TP63: variants seen among roughly 807,000 people sequenced by gnomAD.
TP63 encodes the protein tumor protein 63.
A neutral mutation model predicts 82.8 loss-of-function variants in TP63; 17 were observed. That is an observed-to-expected ratio of 0.21 (90% CI 0.14 to 0.31). The LOEUF is 0.31. Ranked by LOEUF, TP63 falls within the 10% of genes least tolerant of loss-of-function variation. The pLI is 1.00. For missense variants in TP63, 648 were observed against 895.3 expected, an observed-to-expected ratio of 0.72 and a Z score of 3.52; for synonymous variants, 330 against 321.7, an observed-to-expected ratio of 1.03 and a Z score of -0.28.
intron 4 of TP63, among the ~76,000 whole-genome samples, chr3:189,858,625 C>T (rs1241446229): frequency 6.6e-6 from 1 of 151,790 alleles, no homozygotes; most frequent in Non-Finnish European, 1.5e-5. Context: ...AAACATACAC[C>T]AAAATTAGCT....
intron 13 of TP63, among the ~76,000 whole-genome samples, chr3:189,891,406 T>TTAA: frequency 6.6e-6 from 1 of 152,340 alleles, no homozygotes; most frequent in East Asian, 1.9e-4. Flanking sequence ...TTTAAATTAG[T>TTAA]ACCTTAAGGG....
rs568408783 is a variant in TP63, at chr3:189,634,466, C to T, written c.62+2889C>T. On this transcript the variant is annotated intron_variant, in intron 1 of 13. Transcript: ENST00000264731. ...ATCATTCTCTAAGTTAAAATTGGGA[C>T]TTCATCCTCTGTTTTTTTTCCTTTC... Among the ~76,000 whole-genome samples, 7 of 60,314 alleles carry T rather than the reference C, an allele frequency of 1.2e-4. No individual in the cohort carries two copies. In the South Asian group the frequency reaches 7.2e-3, roughly 62 times the overall value. The allele number at this position is 60,314 out of a possible 152,430, so 39.6% of individuals were successfully genotyped here.
chr3:189,881,058 AT>A (rs1719857932), intron 10 of TP63: 1 of 985,286 alleles, frequency 1.0e-6, no homozygotes, highest in Non-Finnish European at 1.2e-6. Context: ...TCAAAATAGA[AT>A]TTGAAGCCCT....
At chr3:189,866,221 A>G (rs1183520450) in intron 5 of TP63, among the ~76,000 whole-genome samples, 1 of 152,260 alleles carries the variant, frequency 6.6e-6, no homozygotes, top group Non-Finnish European at 1.5e-5. Context: ...AGGAAAGAAG[A>G]AGAAGTGGAA....
chr3:189,692,849 C>G (rs1717049123), intron 1 of TP63, among the ~76,000 whole-genome samples: 1 of 152,150 alleles, frequency 6.6e-6, no homozygotes, highest in African/African-American at 2.4e-5. Context: ...TTTCTCTCTC[C>G]TTCAGGCAGA....
upstream of TP63, among the ~76,000 whole-genome samples, chr3:189,626,770 GTGGC>G (rs150473502): frequency 0.014 from 2,207 of 152,286 alleles, 37 homozygotes; most frequent in Non-Finnish European, 0.022. Context: ...TACGCCTACA[GTGGC>G]TTTGCAAAGT....
intron 3 of TP63, among the ~76,000 whole-genome samples, chr3:189,747,280 A>G (rs1721454113): frequency 6.6e-6 from 1 of 152,092 alleles, no homozygotes; most frequent in Admixed American, 6.5e-5. Flanking sequence ...ATGTTATCCA[A>G]CAGCTACGGA....
intron 4 of TP63, among the ~76,000 whole-genome samples, chr3:189,810,981 G>A (rs1377587766): frequency 1.3e-5 from 2 of 152,016 alleles, no homozygotes; most frequent in Non-Finnish European, 2.9e-5. Flanking sequence ...CTACCAAAAT[G>A]TTAGGTTTAA....
At chr3:189,752,059 A>T (rs1246188851) in intron 3 of TP63, among the ~76,000 whole-genome samples, 3 of 152,062 alleles carry the variant, frequency 2.0e-5, no homozygotes, top group Non-Finnish European at 4.4e-5. Context: ...GAATCCTGAG[A>T]TTATCTATTT....
chr3:189,760,419 T>G (rs1248997307), intron 3 of TP63, among the ~76,000 whole-genome samples: 2 of 152,240 alleles, frequency 1.3e-5, no homozygotes, highest in Middle Eastern at 3.2e-3. Flanking sequence ...AAGGGGCTAC[T>G]GGCCCCATGT....
chr3:189,629,338 C>T (rs150988875), upstream of TP63, among the ~76,000 whole-genome samples: 886 of 152,174 alleles, frequency 5.8e-3, 7 homozygotes, highest in Non-Finnish European at 8.2e-3. Flanking sequence ...GATCCATGAA[C>T]GCGCTGCTAC....
At chr3:189,681,207 T>A (rs1715872677) in intron 1 of TP63, among the ~76,000 whole-genome samples, 2 of 148,850 alleles carry the variant, frequency 1.3e-5, no homozygotes, top group South Asian at 4.3e-4. Context: ...CTTATGTATC[T>A]TTTCTTACTT....
At chr3:189,869,786 C>T (rs551058057) in intron 9 of TP63, among the ~76,000 whole-genome samples, 5 of 151,808 alleles carry the variant, frequency 3.3e-5, no homozygotes, top group South Asian at 2.1e-4. Context: ...AAATTACTTC[C>T]CAAAGGACTC....
At chr3:189,649,722 A>G (rs138350811) in intron 1 of TP63, among the ~76,000 whole-genome samples, 10 of 146,712 alleles carry the variant, frequency 6.8e-5, no homozygotes, top group African/African-American at 2.6e-4. Flanking sequence ...TGCATTTTAG[A>G]GATCTGAGCG....
chr3:189,786,742 C>CA (rs1724634261), intron 3 of TP63, among the ~76,000 whole-genome samples: 1 of 151,920 alleles, frequency 6.6e-6, no homozygotes, highest in African/African-American at 2.4e-5. Context: ...TGAGAAAAGG[C>CA]AAGAGCTCTA....
At chr3:189,680,476 A>G (rs1256505157) in intron 1 of TP63, among the ~76,000 whole-genome samples, 3 of 152,200 alleles carry the variant, frequency 2.0e-5, no homozygotes, top group African/African-American at 7.2e-5. Context: ...CCGCCTAAAT[A>G]AAGAAACAAA....
intron 1 of TP63, among the ~76,000 whole-genome samples, chr3:189,632,604 A>G (rs1729529782): frequency 6.6e-6 from 1 of 152,118 alleles, no homozygotes; most frequent in East Asian, 1.9e-4. Context: ...CAAGGCAGAA[A>G]GATAAATAGA....
intron 1 of TP63, among the ~76,000 whole-genome samples, chr3:189,638,466 A>G (rs1711530641): frequency 1.3e-5 from 2 of 152,134 alleles, no homozygotes; most frequent in Non-Finnish European, 2.9e-5. Context: ...CTCTTGAGGC[A>G]GTAAATTGAA....
chr3:189,660,176 T>A (rs1484768815), intron 1 of TP63, among the ~76,000 whole-genome samples: 1 of 152,140 alleles, frequency 6.6e-6, no homozygotes, highest in Non-Finnish European at 1.5e-5. Context: ...AGGATTCTTA[T>A]AGTTTGCAAT....
Sources: allele counts gnomAD v4.1 joint callset (sites outside exome capture counted in the v4.1 genomes callset), GRCh38; gene constraint gnomAD v4.1.1; transcripts MANE v1.5; gene names NCBI Gene and HGNC (gene_info 2026-07-23, HGNC 2026-07-21).